The following CCDC192 variants were observed in gnomAD, a reference collection of about 807,000 sequenced individuals.
CCDC192 encodes the protein coiled-coil domain-containing protein 192.
At chr5:127,800,408 C>G (rs969300367) in intron 5 of CCDC192, among the ~76,000 whole-genome samples, 1 of 86,834 alleles carries the variant, frequency 1.2e-5, no homozygotes, top group African/African-American at 4.3e-5. Flanking sequence ...AAAACAACAA[C>G]AACAAAAAGT....
intron 6 of CCDC192, among the ~76,000 whole-genome samples, chr5:127,890,186 A>G (rs1752693135): frequency 6.6e-6 from 1 of 152,126 alleles, no homozygotes; most frequent in Non-Finnish European, 1.5e-5. Flanking sequence ...CAGACTAGGC[A>G]GGATAGTGAG....
chr5:127,753,353 C>G (rs1028233557), intron 2 of CCDC192, among the ~76,000 whole-genome samples: 3 of 152,106 alleles, frequency 2.0e-5, no homozygotes, highest in Non-Finnish European at 4.4e-5. Flanking sequence ...CTTGTGTTTT[C>G]CTACCAATTT....
chr5:127,860,340 G>A (rs183473799), intron 5 of CCDC192, among the ~76,000 whole-genome samples: 26 of 152,260 alleles, frequency 1.7e-4, no homozygotes, highest in Non-Finnish European at 1.5e-5. Context: ...TCTTTCTAAT[G>A]AGCTGTATCC....
intron 2 of CCDC192, among the ~76,000 whole-genome samples, chr5:127,711,378 TA>T (rs1363657809): frequency 6.6e-6 from 1 of 152,200 alleles, no homozygotes; most frequent in African/African-American, 2.4e-5. Flanking sequence ...TTTTGGTTTT[TA>T]ATTTGTAAGA....
intron 2 of CCDC192, among the ~76,000 whole-genome samples, chr5:127,734,068 C>A (rs1294980944): frequency 1.5e-5 from 2 of 136,708 alleles, no homozygotes; most frequent in Non-Finnish European, 1.6e-5. Flanking sequence ...CGATGCTATC[C>A]CTCCTCCCTC....
At chr5:127,789,396 T>C (rs958199241) in intron 3 of CCDC192, among the ~76,000 whole-genome samples, 1 of 152,224 alleles carries the variant, frequency 6.6e-6, no homozygotes, top group African/African-American at 2.4e-5. Context: ...GATGAGGTTT[T>C]AGATGGAAAA....
At chr5:127,786,383 T>G in intron 3 of CCDC192, 1 of 630,930 alleles carries the variant, frequency 1.6e-6, no homozygotes. Context: ...ACACTGTTAA[T>G]GTAGGGCCCT....
chr5:127,919,073 A>ATGTGTGTGTGTGTGTGTGTG (rs70997353), intron 6 of CCDC192, among the ~76,000 whole-genome samples: 1 of 137,310 alleles, frequency 7.3e-6, no homozygotes, highest in African/African-American at 2.6e-5. Context: ...GTGTGTATAT[A>ATGTGTGTGTGTGTGTGTGTG]TGTGTGTGTG....
At chr5:127,827,390 A>T (rs1749579971) in intron 5 of CCDC192, among the ~76,000 whole-genome samples, 1 of 152,218 alleles carries the variant, frequency 6.6e-6, no homozygotes, top group African/African-American at 2.4e-5. Flanking sequence ...GCCACACAAA[A>T]TATCCACCGT....
intron 6 of CCDC192, among the ~76,000 whole-genome samples, chr5:127,927,035 T>C (rs900769964): frequency 6.6e-6 from 1 of 152,196 alleles, no homozygotes; most frequent in African/African-American, 2.4e-5. Flanking sequence ...CCATTGGATT[T>C]GGTGGCATTG....
intron 6 of CCDC192, among the ~76,000 whole-genome samples, chr5:127,924,636 A>G (rs903707954): frequency 1.3e-5 from 2 of 152,242 alleles, no homozygotes; most frequent in African/African-American, 4.8e-5. Flanking sequence ...CAAGACTTCC[A>G]TGGACTTACA....
intron 6 of CCDC192, among the ~76,000 whole-genome samples, chr5:127,932,921 A>G (rs905445229): frequency 6.6e-6 from 1 of 152,188 alleles, no homozygotes; most frequent in African/African-American, 2.4e-5. Flanking sequence ...AATTGTAGGT[A>G]AGATGGCCAG....
intron 5 of CCDC192, among the ~76,000 whole-genome samples, chr5:127,872,137 G>A (rs1295149631): frequency 2.0e-5 from 3 of 152,082 alleles, no homozygotes; most frequent in African/African-American, 7.2e-5. Flanking sequence ...TAATAGCAAA[G>A]AGCAGTTCTT....
At chr5:127,741,825 A>G (rs771586556) in intron 2 of CCDC192, among the ~76,000 whole-genome samples, 1 of 152,198 alleles carries the variant, frequency 6.6e-6, no homozygotes, top group Non-Finnish European at 1.5e-5. Context: ...TACTAGAGAT[A>G]GACCTGGAAT....
At chr5:127,868,633 C>T (rs1319379900) in intron 5 of CCDC192, among the ~76,000 whole-genome samples, 1 of 152,156 alleles carries the variant, frequency 6.6e-6, no homozygotes, top group African/African-American at 2.4e-5. Context: ...CCTGTAATCC[C>T]TGCAATTGGG....
At chr5:127,825,207 A>C (rs762018036) in intron 5 of CCDC192, among the ~76,000 whole-genome samples, 3 of 152,238 alleles carry the variant, frequency 2.0e-5, no homozygotes, top group Non-Finnish European at 4.4e-5. Context: ...ATTAATATAA[A>C]AGCACATCAT....
intron 5 of CCDC192, among the ~76,000 whole-genome samples, chr5:127,862,820 T>C (rs902404156): frequency 3.9e-5 from 6 of 152,096 alleles, no homozygotes; most frequent in African/African-American, 1.4e-4. Flanking sequence ...CTTTGAGTGA[T>C]GTCTGCTTGA....
upstream of CCDC192, among the ~76,000 whole-genome samples, chr5:127,702,688 C>T (rs1750755512): frequency 6.6e-6 from 1 of 152,276 alleles, no homozygotes; most frequent in Non-Finnish European, 1.5e-5. Context: ...AGACCAAAAT[C>T]CAGGAATGAT....
chr5:127,871,051 G>A (rs1751834649), intron 5 of CCDC192, among the ~76,000 whole-genome samples: 1 of 152,218 alleles, frequency 6.6e-6, no homozygotes, highest in African/African-American at 2.4e-5. Context: ...CAGACAAAGT[G>A]GGAGGAAGCT....
Sources: allele counts gnomAD v4.1 joint callset (sites outside exome capture counted in the v4.1 genomes callset), GRCh38; gene constraint gnomAD v4.1.1; transcripts MANE v1.5; gene names NCBI Gene and HGNC (gene_info 2026-07-23, HGNC 2026-07-21).